Variants in SGCG observed in about 807,000 individuals in gnomAD.
The protein encoded by SGCG is gamma-sarcoglycan.
A neutral mutation model predicts 29.3 loss-of-function variants in SGCG; 26 were observed. The ratio of observed to expected loss-of-function variants is 0.89; its 90% confidence interval spans 0.65 to 1.23. The LOEUF is 1.23. Among genes scored for constraint, SGCG ranks in the 50% most tolerant of loss-of-function variants. SGCG has a pLI of 0.00. For synonymous variants in SGCG, 145 were observed against 129.7 expected, an observed-to-expected ratio of 1.12 and a Z score of -0.80; for missense variants, 353 against 356.0, an observed-to-expected ratio of 0.99 and a Z score of 0.07.
chr13:23,228,429 C>T (rs558789487), intron 2 of SGCG, among the ~76,000 whole-genome samples: 276 of 124,784 alleles, frequency 2.2e-3, no homozygotes, highest in Middle Eastern at 3.8e-3. Context: ...ATGTCAATTC[C>T]TACTTTTTTT....
At chr13:23,261,873 A>T (rs35764177) in intron 4 of SGCG, among the ~76,000 whole-genome samples, 12,881 of 151,818 alleles carry the variant, frequency 0.085, 710 homozygotes, top group South Asian at 0.14. Context: ...TAAAGAGAAC[A>T]ACTGTCAGCC....
In SGCG at chr13:23,305,626, A is replaced by G. The variant is rs144325273; in HGVS notation, c.578+10139A>G. The stretch of plus-strand genomic sequence containing the variant: ...CAGTCAAAGTGGAAATGCCTCTGGT[A>G]TTTCTCCATTAACCAAAATGATGTG... On this transcript the variant is annotated intron_variant, in intron 6 of 7. Coordinates refer to ENST00000218867, the MANE Select transcript of SGCG (RefSeq NM_000231.3). 6.0e-4 allele frequency among the ~76,000 whole-genome samples: 91 copies of G among 152,352 alleles called. 2 individuals carry two copies. In the East Asian group the frequency reaches 0.015, roughly 25 times the overall value.
At chr13:23,166,603 G>A in the SGCG span, among the ~76,000 whole-genome samples, 3 of 152,158 alleles carry the variant, frequency 2.0e-5, no homozygotes, top group African/African-American at 7.2e-5. Context: ...AAAAGTTGGG[G>A]ACTTTTCTGT....
intron 3 of SGCG, among the ~76,000 whole-genome samples, chr13:23,240,342 T>C (rs1333473737): frequency 6.6e-6 from 1 of 152,170 alleles, no homozygotes; most frequent in African/African-American, 2.4e-5. Flanking sequence ...TGATAGATTG[T>C]AAGAAAGGAA....
intron 3 of SGCG, chr13:23,246,896 C>A: frequency 6.4e-6 from 1 of 156,534 alleles, no homozygotes. Flanking sequence ...TCATCGAGCC[C>A]CTGTTGAGCC....
chr13:23,322,379 T>C (rs887710663), intron 7 of SGCG, among the ~76,000 whole-genome samples: 4 of 152,192 alleles, frequency 2.6e-5, no homozygotes, highest in African/African-American at 9.7e-5. Flanking sequence ...TTAAAAAGCA[T>C]GCAGGTTATA....
intron 1 of SGCG, among the ~76,000 whole-genome samples, chr13:23,186,426 C>A (rs1876975539): frequency 6.6e-6 from 1 of 152,190 alleles, no homozygotes; most frequent in Non-Finnish European, 1.5e-5. Context: ...ATGACTGGGA[C>A]TCACATTGTG....
intron 7 of SGCG, among the ~76,000 whole-genome samples, chr13:23,321,421 G>C (rs1344102800): frequency 6.6e-6 from 1 of 152,174 alleles, no homozygotes; most frequent in Admixed American, 6.5e-5. Context: ...GGCTCAGTGA[G>C]AGATTAAGAA....
At chr13:23,272,866 G>T (rs1457286923) in intron 4 of SGCG, among the ~76,000 whole-genome samples, 3 of 152,118 alleles carry the variant, frequency 2.0e-5, no homozygotes, top group Non-Finnish European at 4.4e-5. Flanking sequence ...GGAACTGCCT[G>T]TTTCATCATG....
At chr13:23,244,342 C>CA (rs1879619897) in intron 3 of SGCG, 1 of 151,968 alleles carries the variant, frequency 6.6e-6, no homozygotes, top group African/African-American at 2.4e-5. Context: ...ACAAAAAGTG[C>CA]AAAAAACAGA....
At chr13:23,184,916 T>C (rs1285441532) in intron 1 of SGCG, among the ~76,000 whole-genome samples, 2 of 152,170 alleles carry the variant, frequency 1.3e-5, no homozygotes, top group Non-Finnish European at 2.9e-5. Context: ...AGATGTTCAT[T>C]TGTGAATAGA....
intron 4 of SGCG, among the ~76,000 whole-genome samples, chr13:23,266,413 G>A (rs933604459): frequency 6.6e-6 from 1 of 152,134 alleles, no homozygotes; most frequent in Non-Finnish European, 1.5e-5. Context: ...GGAATTGGAG[G>A]CCATTATTTT....
chr13:23,305,686 T>C (rs1460730260), intron 6 of SGCG, among the ~76,000 whole-genome samples: 1 of 152,234 alleles, frequency 6.6e-6, no homozygotes, highest in East Asian at 1.9e-4. Context: ...CATATCAATT[T>C]CTATTTTGTG....
intron 1 of SGCG, among the ~76,000 whole-genome samples, chr13:23,192,196 G>T (rs1456702322): frequency 6.7e-6 from 1 of 150,322 alleles, no homozygotes; most frequent in Non-Finnish European, 1.5e-5. Context: ...AAAAAATGAA[G>T]GAAGTTTCAG....
chr13:23,207,893 T>A (rs1316952971), intron 2 of SGCG, among the ~76,000 whole-genome samples: 1 of 152,110 alleles, frequency 6.6e-6, no homozygotes, highest in African/African-American at 2.4e-5. Flanking sequence ...AGTATGGAAA[T>A]TCCTTTAAAA....
intron 6 of SGCG, among the ~76,000 whole-genome samples, chr13:23,319,641 T>TCC (rs1354190699): frequency 3.3e-5 from 5 of 152,174 alleles, no homozygotes; most frequent in Non-Finnish European, 7.3e-5. Flanking sequence ...CACTTCCCTT[T>TCC]CTCTCTGCTC....
intron 3 of SGCG, chr13:23,243,875 A>G (rs192245666): frequency 6.6e-6 from 1 of 152,312 alleles, no homozygotes; most frequent in Admixed American, 6.5e-5. Flanking sequence ...ACTCATTATC[A>G]TGCTAATTAT....
At chr13:23,168,301 A>T in the SGCG span, among the ~76,000 whole-genome samples, 125,373 of 152,116 alleles carry the variant, frequency 0.82, 52,108 homozygotes, top group South Asian at 0.91. Context: ...TTGTCACTAT[A>T]GAAAATTGTC....
In SGCG at chr13:23,324,769, G is replaced by GTT. The variant is rs1301012551; in HGVS notation, c.*232_*233dup. 24 of 550,236 alleles carry GTT rather than the reference G, an allele frequency of 4.4e-5. No homozygotes were observed. The South Asian group carries it at 4.7e-4, about 11-fold the overall frequency. 34.1% of individuals were successfully genotyped at this position (550,236 alleles called of 1,614,324 possible). On this transcript the variant is annotated 3_prime_UTR_variant, in exon 8 of 8. Coordinates refer to ENST00000218867, the MANE Select transcript of SGCG (RefSeq NM_000231.3). The stretch of plus-strand genomic sequence containing the variant: ...AGTTGACAAAATGGAAAAGCAATGT[G>GTT]TTTTTCCACTGGATTAATTTTCACC...
Sources: gnomAD v4.1 joint callset for allele counts (sites outside exome capture counted in the v4.1 genomes callset) on GRCh38, gnomAD v4.1.1 for gene constraint, MANE v1.5 for transcripts, NCBI Gene and HGNC (gene_info 2026-07-23, HGNC 2026-07-21) for gene names.